Variants in FAM185A observed in about 807,000 individuals in gnomAD.
The protein encoded by FAM185A is family with sequence similarity 185 member A, also known as protein FAM185A.
Under a neutral mutation model 45.7 loss-of-function variants are expected in FAM185A, and 21 were observed. The ratio of observed to expected loss-of-function variants is 0.46; its 90% CI spans 0.33 to 0.66. The LOEUF is 0.66. FAM185A is among the 30% of genes least tolerant of loss of function. The pLI, the probability that FAM185A is intolerant of heterozygous loss-of-function variation, is 0.03. For synonymous variants in FAM185A, 117 were observed against 194.0 expected (o/e 0.60, Z 3.30); for missense variants, 305 against 485.4 (o/e 0.63, Z 3.49).
chr7:102,835,603 G>GTTTTTTTT, the FAM185A span, among the ~76,000 whole-genome samples: 10 of 97,522 alleles, frequency 1.0e-4, no homozygotes, highest in Non-Finnish European at 1.1e-4. Context: ...AGGTGACATT[G>GTTTTTTTT]TTTTTTTTTT....
At chr7:102,813,130 G>A (rs1051983354), downstream of FAM185A, 8 of 516,008 alleles carry the variant, frequency 1.6e-5, no homozygotes, top group Middle Eastern at 5.2e-4. Context: ...GTGAGCCACC[G>A]CTCCTGGCCT....
chr7:102,795,961 C>T (rs546395802), intron 7 of FAM185A, among the ~76,000 whole-genome samples: 6 of 152,324 alleles, frequency 3.9e-5, no homozygotes, highest in African/African-American at 1.2e-4. Context: ...GTTCACCTTG[C>T]CCACTGCCTA....
intron 6 of FAM185A, chr7:102,779,879 T>G (rs1364170817): frequency 1.3e-5 from 1 of 75,872 alleles, no homozygotes; most frequent in Non-Finnish European, 2.6e-5. Flanking sequence ...TTTTTTTTTT[T>G]GAGCTGGGGG....
At chr7:102,812,988 G>A (rs1481668010), downstream of FAM185A, among the ~76,000 whole-genome samples, 6 of 151,672 alleles carry the variant, frequency 4.0e-5, no homozygotes, top group South Asian at 4.2e-4. Context: ...GATTACAGGC[G>A]CCCACCACCA....
At chr7:102,847,519 T>C in the FAM185A span, among the ~76,000 whole-genome samples, 1 of 152,064 alleles carries the variant, frequency 6.6e-6, no homozygotes, top group Non-Finnish European at 1.5e-5. Flanking sequence ...AACACTCAAT[T>C]TTTTTTTCTT....
the FAM185A span, among the ~76,000 whole-genome samples, chr7:102,829,591 G>C: frequency 6.6e-6 from 1 of 152,170 alleles, no homozygotes; most frequent in African/African-American, 2.4e-5. Flanking sequence ...GTGCACTGCT[G>C]AGTGCTTTGA....
At chr7:102,824,744 C>G in the FAM185A span, among the ~76,000 whole-genome samples, 5 of 150,894 alleles carry the variant, frequency 3.3e-5, no homozygotes, top group Admixed American at 1.3e-4. Context: ...CCTTGGCCTC[C>G]TAAAGTGCTG....
chr7:102,792,871 G>C (rs1796215859), intron 7 of FAM185A, among the ~76,000 whole-genome samples: 3 of 152,154 alleles, frequency 2.0e-5, no homozygotes, highest in Non-Finnish European at 4.4e-5. Flanking sequence ...CTCGTTCATG[G>C]GTTGGAAGAG....
chr7:102,831,803 T>C, the FAM185A span, among the ~76,000 whole-genome samples: 1 of 152,242 alleles, frequency 6.6e-6, no homozygotes, highest in African/African-American at 2.4e-5. Context: ...TCTTATCTCC[T>C]CTCCTGTTTT....
the FAM185A span, among the ~76,000 whole-genome samples, chr7:102,834,087 A>AGGAAGGAAGG: frequency 5.0e-5 from 3 of 59,706 alleles, no homozygotes; most frequent in East Asian, 4.8e-4. Context: ...GAAGGAAAGA[A>AGGAAGGAAGG]AAGAAAGAAA....
chr7:102,769,460 T>G lies in FAM185A; in HGVS notation c.794-2949T>G, dbSNP rs1650835807. ...TTTAAAAAAAATTGTAAATTTTTACTGCATTATTAAAGACTAGTGTAAAAC... is the reference window on the plus strand; with the variant it reads ...TTTAAAAAAAATTGTAAATTTTTACGGCATTATTAAAGACTAGTGTAAAAC... On this transcript the variant is annotated intron_variant, in intron 4 of 7. Coordinates refer to ENST00000413034, the MANE Select transcript of FAM185A (RefSeq NM_001145268.2). Among the ~76,000 whole-genome samples, 3 of 152,232 alleles carry G rather than the reference T, an allele frequency of 2.0e-5. No individual in the cohort carries two copies. In the South Asian group the frequency reaches 6.2e-4, roughly 32 times the overall value.
intron 1 of FAM185A, 56 bp downstream of exon 1, chr7:102,749,714 A>G (rs1793239968): frequency 1.3e-6 from 2 of 1,497,042 alleles, no homozygotes; most frequent in South Asian, 2.7e-5. Context: ...CAGTGAACTT[A>G]ATAAATGTGG....
intron 7 of FAM185A, among the ~76,000 whole-genome samples, chr7:102,800,324 C>T (rs967411604): frequency 3.9e-5 from 6 of 152,206 alleles, no homozygotes; most frequent in Admixed American, 2.0e-4. Context: ...GGTTTTCTGA[C>T]AAAACAAGGC....
the FAM185A span, among the ~76,000 whole-genome samples, chr7:102,827,500 G>A: frequency 6.6e-6 from 1 of 152,008 alleles, no homozygotes; most frequent in Non-Finnish European, 1.5e-5. Flanking sequence ...CTCATCCTTT[G>A]TAATATATGG....
chr7:102,834,395 T>TA, the FAM185A span, among the ~76,000 whole-genome samples: 112 of 146,502 alleles, frequency 7.6e-4, no homozygotes, highest in African/African-American at 2.6e-3. Flanking sequence ...TATATATATA[T>TA]TATATGCGAT....
the FAM185A span, among the ~76,000 whole-genome samples, chr7:102,823,872 A>G: frequency 6.6e-6 from 1 of 152,228 alleles, no homozygotes; most frequent in Admixed American, 6.5e-5. Context: ...AAGGTTAAAC[A>G]TTATAACTGA....
chr7:102,806,962 G>T (rs1326906770), intron 7 of FAM185A, among the ~76,000 whole-genome samples: 1 of 152,120 alleles, frequency 6.6e-6, no homozygotes, highest in Non-Finnish European at 1.5e-5. Context: ...ATTGCGGAGG[G>T]TGCCATGAAC....
the FAM185A span, among the ~76,000 whole-genome samples, chr7:102,823,107 G>C: frequency 2.0e-5 from 3 of 152,030 alleles, no homozygotes; most frequent in African/African-American, 7.2e-5. Flanking sequence ...TGATTTTGCT[G>C]TTATTTTCAT....
chr7:102,834,473 A>ATATATATATATGTG, the FAM185A span: 150 of 141,538 alleles, frequency 1.1e-3, 1 homozygote, highest in East Asian at 9.4e-3. Flanking sequence ...ATATATATAT[A>ATATATATATATGTG]TGTGATGTGG....
Sources: gnomAD v4.1 joint callset for allele counts (sites outside exome capture counted in the v4.1 genomes callset) on GRCh38, gnomAD v4.1.1 for gene constraint, MANE v1.5 for transcripts, NCBI Gene and HGNC (gene_info 2026-07-23, HGNC 2026-07-21) for gene names.